KLHL1: variants seen among roughly 807,000 people sequenced by gnomAD.
The protein encoded by KLHL1 is kelch-like protein 1.
Under a neutral mutation model 77.7 loss-of-function variants are expected in KLHL1, and 47 were observed. That is an observed-to-expected ratio of 0.60 (90% CI 0.48 to 0.77). KLHL1 has a LOEUF of 0.77. Among genes scored for constraint, KLHL1 ranks in the 30% least tolerant of loss-of-function variants. The pLI is 0.00. For missense variants in KLHL1, 925 were observed against 910.8 expected, an observed-to-expected ratio of 1.02 and a Z score of -0.20; for synonymous variants, 360 against 325.2, an observed-to-expected ratio of 1.11 and a Z score of -1.15.
At chr13:70,080,147 A>G (rs1022989498) in intron 1 of KLHL1, among the ~76,000 whole-genome samples, 3 of 152,148 alleles carry the variant, frequency 2.0e-5, no homozygotes, top group Non-Finnish European at 4.4e-5. Context: ...CTGAAAGGAT[A>G]CGTGTTGGCA....
chr13:69,832,975 C>T (rs1878823235), intron 6 of KLHL1, among the ~76,000 whole-genome samples: 1 of 152,102 alleles, frequency 6.6e-6, no homozygotes, highest in Admixed American at 6.6e-5. Flanking sequence ...AGACTTAAAT[C>T]TAAGACGTAA....
intron 1 of KLHL1, among the ~76,000 whole-genome samples, chr13:70,045,635 A>G (rs1054857571): frequency 6.6e-6 from 1 of 152,164 alleles, no homozygotes; most frequent in African/African-American, 2.4e-5. Flanking sequence ...TGGTAGTAGT[A>G]TATGTACAAG....
chr13:69,949,428 G>A (rs1315422660), intron 3 of KLHL1, among the ~76,000 whole-genome samples: 1 of 151,706 alleles, frequency 6.6e-6, no homozygotes, highest in Non-Finnish European at 1.5e-5. Context: ...TATGAATGAA[G>A]TTTCTGTCTC....
rs137898793 is a variant in KLHL1, at chr13:69,978,351, A to T, written c.498-2549T>A. Among the ~76,000 whole-genome samples the T allele has an allele frequency of 1.9e-3, 296 of 151,880 alleles. 2 individuals carry two copies. The highest frequency in any genetic ancestry group is 7.0e-3 in the African/African-American group (289 of 41,424). Reference sequence around the variant, plus strand: ...GCTTGGGTACGCAGACTGCATGATTAGGTTTTAAAATTCAAGATATGAGAA... The same window carrying T: ...GCTTGGGTACGCAGACTGCATGATTTGGTTTTAAAATTCAAGATATGAGAA... On this transcript the variant is annotated intron_variant, in intron 1 of 10. Coordinates refer to ENST00000377844, the MANE Select transcript of KLHL1 (RefSeq NM_020866.3).
At chr13:70,060,889 C>A (rs571676251) in intron 1 of KLHL1, among the ~76,000 whole-genome samples, 22 of 152,112 alleles carry the variant, frequency 1.4e-4, no homozygotes, top group South Asian at 6.2e-4. Flanking sequence ...ATAGAGTACC[C>A]TTCAGCTATA....
intron 1 of KLHL1, among the ~76,000 whole-genome samples, chr13:70,102,669 T>C (rs1389204466): frequency 6.6e-6 from 1 of 152,176 alleles, no homozygotes; most frequent in African/African-American, 2.4e-5. Flanking sequence ...ATAACAAGTC[T>C]GTGATTCTAG....
rs1888093265 is a variant in KLHL1, at chr13:70,107,390, G to T, written c.310C>A (p.Gln104Lys). The change falls in exon 1 of 11, where the codon CAG (glutamine) becomes AAG (lysine). Residue 104 changes from glutamine to lysine, a missense_variant. Coordinates refer to ENST00000377844, the MANE Select transcript of KLHL1 (RefSeq NM_020866.3). ...GTLLPVATRL[Q>K]QGAPGQGTQQ... ...GTGCCCTGCCCAGGAGCCCCTTGCT[G>T]CAGCCTCGTGGCAACTGGAAGCAGG... is the stretch of plus-strand genomic sequence containing the variant. The T allele has an allele frequency of 1.2e-6, 2 of 1,614,034 alleles. No individual in the cohort carries two copies. Among genetic ancestry groups the T allele is most frequent in the East Asian group, 4.5e-5 (2 of 44,860 alleles).
intron 5 of KLHL1, among the ~76,000 whole-genome samples, chr13:69,860,748 T>TAAGA (rs3072562): frequency 0.32 from 48,291 of 151,250 alleles, 8,214 homozygotes; most frequent in African/African-American, 0.45. Flanking sequence ...AAATTCTATT[T>TAAGA]AAGATGAACA....
chr13:70,038,527 T>C (rs527665225), intron 1 of KLHL1, among the ~76,000 whole-genome samples: 119 of 151,058 alleles, frequency 7.9e-4, no homozygotes, highest in African/African-American at 2.8e-3. Flanking sequence ...CCAAAAACAA[T>C]GTAAAAGAGA....
intron 4 of KLHL1, among the ~76,000 whole-genome samples, chr13:69,917,059 G>A (rs558422214): frequency 1.4e-4 from 22 of 152,036 alleles, no homozygotes; most frequent in South Asian, 1.2e-3. Flanking sequence ...ACATGTGTAC[G>A]TGTAAGTGTA....
At chr13:69,875,667 A>G (rs948543416) in intron 5 of KLHL1, among the ~76,000 whole-genome samples, 1 of 152,238 alleles carries the variant, frequency 6.6e-6, no homozygotes, top group Admixed American at 6.5e-5. Context: ...CTTGCTAACA[A>G]AACACTTTGT....
At chr13:70,100,181 TC>T (rs57932607) in intron 1 of KLHL1, among the ~76,000 whole-genome samples, 9,926 of 151,756 alleles carry the variant, frequency 0.065, 561 homozygotes, top group East Asian at 0.32. Context: ...TATTATATAT[TC>T]ATATTTCTTC....
chr13:70,036,487 C>T (rs1345970278), intron 1 of KLHL1, among the ~76,000 whole-genome samples: 2 of 151,792 alleles, frequency 1.3e-5, no homozygotes, highest in Non-Finnish European at 2.9e-5. Context: ...TCAATCAATG[C>T]TTTCTTTTAT....
In KLHL1 at chr13:69,707,628, T is replaced by C; in HGVS notation, c.2184A>G (p.Thr728=). 1 of 1,610,800 alleles carries C rather than the reference T, an allele frequency of 6.2e-7. No individual in the cohort carries two copies. Residue 728 remains threonine (T), a synonymous_variant, in exon 10 of 11, where the codon ACA becomes ACG. Coordinates refer to ENST00000377844, the MANE Select transcript of KLHL1 (RefSeq NM_020866.3). ...ATTATGCTGATGACAATCTTACCTG[T>C]GTCCACTCATTAGTTTGTGGGTCAT... is the stretch of plus-strand genomic sequence containing the variant. ...ESYDPQTNEW[T]QMASLNIGRA...
At chr13:70,046,904 G>A (rs986641710) in intron 1 of KLHL1, among the ~76,000 whole-genome samples, 11 of 152,172 alleles carry the variant, frequency 7.2e-5, no homozygotes, top group Non-Finnish European at 1.2e-4. Context: ...TGTTTTGCTC[G>A]AGATTATTGT....
intron 3 of KLHL1, among the ~76,000 whole-genome samples, chr13:69,958,270 T>C (rs1484095992): frequency 6.6e-6 from 1 of 151,002 alleles, no homozygotes; most frequent in East Asian, 1.9e-4. Flanking sequence ...AATGTAAGTC[T>C]ACATGTTTGC....
intron 6 of KLHL1, among the ~76,000 whole-genome samples, chr13:69,819,562 T>G (rs1878253751): frequency 6.6e-6 from 1 of 151,162 alleles, no homozygotes; most frequent in Admixed American, 6.6e-5. Context: ...TGCCTGTTAA[T>G]CAAAATCAGT....
At chr13:69,851,360 C>G (rs1879682928) in intron 5 of KLHL1, among the ~76,000 whole-genome samples, 1 of 151,670 alleles carries the variant, frequency 6.6e-6, no homozygotes, top group Non-Finnish European at 1.5e-5. Flanking sequence ...ATTTGTAGGT[C>G]ATCTTTGCAA....
intron 5 of KLHL1, 134 bp downstream of exon 5, chr13:69,882,149 T>G: frequency 1.5e-6 from 1 of 653,058 alleles, no homozygotes; most frequent in Non-Finnish European, 2.7e-6. Context: ...ACCATCAAAT[T>G]TAACTTAAAA....
Sources: gnomAD v4.1 joint callset for allele counts (sites outside exome capture counted in the v4.1 genomes callset) on GRCh38, gnomAD v4.1.1 for gene constraint, MANE v1.5 for transcripts, NCBI Gene and HGNC (gene_info 2026-07-23, HGNC 2026-07-21) for gene names.